SERGEF: variants seen among roughly 807,000 people sequenced by gnomAD.
SERGEF encodes secretion regulating guanine nucleotide exchange factor.
In SERGEF, 51 loss-of-function variants were observed where a neutral mutation model predicts 50.0. The observed-to-expected ratio is 1.02, with a 90% CI of 0.81 to 1.29. SERGEF has a LOEUF of 1.29. SERGEF is among the 50% of genes most tolerant of loss of function. SERGEF has a pLI of 0.00. For missense variants in SERGEF, 521 were observed against 557.0 expected (o/e 0.94, Z 0.65); for synonymous variants, 205 against 212.4 (o/e 0.97, Z 0.30).
In SERGEF at chr11:17,801,039, C is replaced by CA. The variant is rs571670001; in HGVS notation, c.1049-12627dup. ...TGAAAGCCTGTCTCTACTAAAAATA[C>CA]AAAAAATTAGCCGGGCGTGGTGGTG... On this transcript the variant is annotated intron_variant, in intron 10 of 10. Coordinates refer to ENST00000265965, the MANE Select transcript of SERGEF (RefSeq NM_012139.4). Among the ~76,000 whole-genome samples the CA allele has an allele frequency of 2.4e-3, 359 of 151,840 alleles. 1 individual carries two copies. Among genetic ancestry groups the CA allele is most frequent in the African/African-American group, 8.5e-3 (351 of 41,426 alleles).
chr11:17,890,590 G>A (rs1204738545), intron 9 of SERGEF, among the ~76,000 whole-genome samples: 1 of 152,082 alleles, frequency 6.6e-6, no homozygotes, highest in Non-Finnish European at 1.5e-5. Context: ...TTGATGGACT[G>A]ATTGATTTTT....
At chr11:17,837,848 G>A (rs1850430729) in intron 10 of SERGEF, among the ~76,000 whole-genome samples, 1 of 151,958 alleles carries the variant, frequency 6.6e-6, no homozygotes, top group African/African-American at 2.4e-5. Flanking sequence ...ATTTTTAATA[G>A]AGATGGGGGG....
At chr11:18,008,476 A>C (rs1188441477) in intron 1 of SERGEF, among the ~76,000 whole-genome samples, 1 of 151,878 alleles carries the variant, frequency 6.6e-6, no homozygotes, top group Non-Finnish European at 1.5e-5. Context: ...AAGAAACCAC[A>C]CTTTTTTCTA....
chr11:17,970,843 A>G (rs1853233154), intron 8 of SERGEF, among the ~76,000 whole-genome samples: 1 of 152,156 alleles, frequency 6.6e-6, no homozygotes, highest in Non-Finnish European at 1.5e-5. Context: ...AAGAGACGTG[A>G]GGGAACTGAG....
chr11:18,003,422 C>A (rs1451826431), intron 4 of SERGEF, among the ~76,000 whole-genome samples: 7 of 152,238 alleles, frequency 4.6e-5, no homozygotes, highest in Non-Finnish European at 8.8e-5. Context: ...CCACTACCTA[C>A]ACATAGCTCT....
At position 17,959,601 on chromosome 11, in the gene SERGEF, A is replaced by C; in HGVS notation, c.880T>G (p.Tyr294Asp). The C allele has an allele frequency of 6.2e-7, 1 of 1,613,554 alleles. No individual in the cohort carries two copies. Among genetic ancestry groups the C allele is most frequent in the Non-Finnish European group, 8.5e-7 (1 of 1,179,748 alleles). ...GKMFTWGRADYGQLGRKLETY... is the reference protein window; with the variant it reads ...GKMFTWGRADDGQLGRKLETY... Reference sequence around the variant, plus strand: ...TCCAACTTCCTCCCTAGCTGACCATAGTCTGCTCGGCCCCAGGTAAACATC... The same window carrying C: ...TCCAACTTCCTCCCTAGCTGACCATCGTCTGCTCGGCCCCAGGTAAACATC... Residue 294 changes from tyrosine to aspartate, a missense_variant, in exon 9 of 11, where the codon TAT becomes GAT. Transcript: ENST00000265965.
At position 17,933,615 on chromosome 11, in the gene SERGEF, A is replaced by G. The variant is rs147968065; in HGVS notation, c.1011+25855T>C. Among the ~76,000 whole-genome samples the G allele has an allele frequency of 6.6e-5, 10 of 152,284 alleles. No homozygotes were observed. In the East Asian group the frequency reaches 1.9e-3, roughly 29 times the overall value. ...TTGTGATAAGCAGATCAGAAAACAA[A>G]AAGTTGTTACTATGAGACAGTATCT... is the stretch of plus-strand genomic sequence containing the variant. On this transcript the variant is annotated intron_variant, in intron 9 of 10. Coordinates refer to ENST00000265965, the MANE Select transcript of SERGEF (RefSeq NM_012139.4).
intron 9 of SERGEF, among the ~76,000 whole-genome samples, chr11:17,915,001 C>T (rs555921107): frequency 6.6e-5 from 10 of 152,268 alleles, no homozygotes; most frequent in African/African-American, 1.9e-4. Context: ...TGGTTAGGAA[C>T]GGCTTTCCTT....
intron 10 of SERGEF, among the ~76,000 whole-genome samples, chr11:17,859,379 A>G (rs1214241994): frequency 6.6e-6 from 1 of 152,126 alleles, no homozygotes; most frequent in Non-Finnish European, 1.5e-5. Context: ...ATCAAGTCAA[A>G]AAATTTTCTC....
At chr11:17,839,386 C>A (rs998310718) in intron 10 of SERGEF, among the ~76,000 whole-genome samples, 1 of 152,122 alleles carries the variant, frequency 6.6e-6, no homozygotes, top group African/African-American at 2.4e-5. Flanking sequence ...CTCATAAAAT[C>A]GGCTTTAGTA....
chr11:17,900,508 T>C lies in SERGEF; in HGVS notation c.1012-22264A>G, dbSNP rs1026533412. On this transcript the variant is annotated intron_variant, in intron 9 of 10. Transcript: ENST00000265965. Reference sequence around the variant, plus strand: ...TCATCTAACTTTCCTATTTGATATATGCTAATGGCTCCAATTGCATTTATT... The same window carrying C: ...TCATCTAACTTTCCTATTTGATATACGCTAATGGCTCCAATTGCATTTATT... Among the ~76,000 whole-genome samples, 13 of 152,238 alleles carry C rather than the reference T, an allele frequency of 8.5e-5. No individual in the cohort carries two copies. The East Asian group carries it at 9.6e-4, about 11-fold the overall frequency.
At chr11:17,951,110 G>T (rs903190210) in intron 9 of SERGEF, among the ~76,000 whole-genome samples, 1 of 152,152 alleles carries the variant, frequency 6.6e-6, no homozygotes, top group African/African-American at 2.4e-5. Flanking sequence ...GTGTTTACAA[G>T]ATCCATGGTG....
chr11:17,830,683 A>AGC (rs1287280580), intron 10 of SERGEF, among the ~76,000 whole-genome samples: 2 of 149,622 alleles, frequency 1.3e-5, no homozygotes, highest in African/African-American at 2.5e-5. Context: ...AGAGAGAGAG[A>AGC]GAGAGCACAT....
At chr11:17,867,265 C>T (rs1042708367) in intron 10 of SERGEF, among the ~76,000 whole-genome samples, 4 of 152,230 alleles carry the variant, frequency 2.6e-5, no homozygotes, top group African/African-American at 4.8e-5. Context: ...AATGGGGGTA[C>T]AGGCTTTGGG....
intron 1 of SERGEF, chr11:18,012,492 C>T: frequency 4.6e-6 from 5 of 1,091,944 alleles, no homozygotes; most frequent in Non-Finnish European, 5.6e-6. Flanking sequence ...CCAAACACCG[C>T]AGGCCTCACA....
At chr11:17,993,950 A>T (rs550898715) in intron 6 of SERGEF, among the ~76,000 whole-genome samples, 1 of 152,294 alleles carries the variant, frequency 6.6e-6, no homozygotes, top group South Asian at 2.1e-4. Flanking sequence ...TCTGAATGTA[A>T]GCTGTGCCCC....
chr11:18,003,934 A>C (rs1854019477), intron 4 of SERGEF, among the ~76,000 whole-genome samples: 1 of 152,182 alleles, frequency 6.6e-6, no homozygotes, highest in Non-Finnish European at 1.5e-5. Flanking sequence ...AAAGGGGTTA[A>C]TTTTATGGTA....
At chr11:17,822,944 T>G (rs969655187) in intron 10 of SERGEF, among the ~76,000 whole-genome samples, 1 of 152,208 alleles carries the variant, frequency 6.6e-6, no homozygotes, top group Non-Finnish European at 1.5e-5. Flanking sequence ...CTTATATTAC[T>G]GTGGTACATC....
intron 9 of SERGEF, among the ~76,000 whole-genome samples, chr11:17,959,073 T>C (rs1195693338): frequency 6.6e-6 from 1 of 152,140 alleles, no homozygotes; most frequent in Non-Finnish European, 1.5e-5. Flanking sequence ...TTCACCATGT[T>C]AGCCAGGCTG....
Sources: gnomAD v4.1 joint callset for allele counts (sites outside exome capture counted in the v4.1 genomes callset) on GRCh38, gnomAD v4.1.1 for gene constraint, MANE v1.5 for transcripts, NCBI Gene and HGNC (gene_info 2026-07-23, HGNC 2026-07-21) for gene names.